PIAS2: variants seen among roughly 807,000 people sequenced by gnomAD.
PIAS2 encodes the protein protein inhibitor of activated STAT 2.
PIAS2 carries 19 observed loss-of-function variants against 69.7 expected under a neutral mutation model. That is an observed-to-expected ratio of 0.27 (90% CI 0.19 to 0.40). The LOEUF (loss-of-function observed/expected upper bound fraction) is 0.40. PIAS2 is among the 10% of genes least tolerant of loss of function. PIAS2 has a pLI of 1.00. For missense variants in PIAS2, 624 were observed against 757.0 expected (o/e 0.82, Z 2.06); for synonymous variants, 261 against 263.2 (o/e 0.99, Z 0.08).
At chr18:46,837,457 T>G (rs1361293282) in intron 8 of PIAS2, among the ~76,000 whole-genome samples, 1 of 152,178 alleles carries the variant, frequency 6.6e-6, no homozygotes, top group African/African-American at 2.4e-5. Flanking sequence ...TAATCTTTTG[T>G]TATCTATTTA....
At chr18:46,865,270 T>A (rs766809613) in intron 2 of PIAS2, among the ~76,000 whole-genome samples, 2 of 152,166 alleles carry the variant, frequency 1.3e-5, no homozygotes, top group African/African-American at 2.4e-5. Flanking sequence ...CCGGGCACAG[T>A]GGCTCACACG....
At chr18:46,822,512 T>A (rs928447382) in intron 11 of PIAS2, among the ~76,000 whole-genome samples, 10 of 152,128 alleles carry the variant, frequency 6.6e-5, no homozygotes, top group Admixed American at 2.0e-4. Context: ...CCAGTGCTAC[T>A]CGAAGACCTA....
At position 46,816,083 on chromosome 18, in the gene PIAS2, C is replaced by T. The variant is rs915380310; in HGVS notation, c.1649-734G>A. The T allele has an allele frequency of 4.1e-6, 4 of 984,682 alleles. No homozygotes were observed. In the African/African-American group the frequency reaches 7.0e-5, roughly 17 times the overall value. The allele number at this position is 984,682 out of a possible 1,614,324, so 61.0% of individuals were successfully genotyped here. A position where few individuals can be genotyped will look rare whatever the true frequency, so the allele number is the denominator to read the frequency against. On this transcript the variant is annotated intron_variant, in intron 12 of 13. Coordinates refer to ENST00000585916, the MANE Select transcript of PIAS2 (RefSeq NM_004671.5). ...CTAGTAATAAACTTCAACATCAGTTCACCTAGACCTCCCTGTGTGACTAAA... is the reference window on the plus strand; with the variant it reads ...CTAGTAATAAACTTCAACATCAGTTTACCTAGACCTCCCTGTGTGACTAAA...
At chr18:46,822,259 A>C (rs2042257451) in intron 11 of PIAS2, among the ~76,000 whole-genome samples, 1 of 152,212 alleles carries the variant, frequency 6.6e-6, no homozygotes, top group African/African-American at 2.4e-5. Context: ...GAGTACATAC[A>C]TTGTTGAGTT....
At chr18:46,899,648 G>C (rs1189936171) in intron 1 of PIAS2, among the ~76,000 whole-genome samples, 1 of 152,106 alleles carries the variant, frequency 6.6e-6, no homozygotes, top group Non-Finnish European at 1.5e-5. Context: ...TTTAATTTTA[G>C]TAAAGATGAG....
chr18:46,815,189 C>G (rs1197543924), intron 13 of PIAS2, 123 bp downstream of exon 13: 5 of 749,228 alleles, frequency 6.7e-6, no homozygotes, highest in Non-Finnish European at 9.1e-6. Context: ...ACAGTACTTC[C>G]TTTCCATCAA....
At chr18:46,828,261 C>A in intron 10 of PIAS2, 131 bp from the exon 11 acceptor site, 1 of 712,228 alleles carries the variant, frequency 1.4e-6, no homozygotes, top group Non-Finnish European at 2.1e-6. Context: ...ATACTCCAAC[C>A]CATGGACAAA....
At chr18:46,835,754 G>A (rs2044336945) in intron 9 of PIAS2, among the ~76,000 whole-genome samples, 1 of 152,106 alleles carries the variant, frequency 6.6e-6, no homozygotes, top group Non-Finnish European at 1.5e-5. Flanking sequence ...GGATGGTACT[G>A]CTAATTTTAT....
rs1180231439 is a variant in PIAS2, at chr18:46,815,294, T to C, written c.1686+18A>G. ...AACAATCAAATACAAATTAGTTGCT[T>C]AAATTCAGGATACATACCTGGGGAT... On this transcript the variant is annotated intron_variant, in intron 13 of 13. Coordinates refer to ENST00000585916, the MANE Select transcript of PIAS2 (RefSeq NM_004671.5). 3 of 1,606,212 alleles carry C rather than the reference T, an allele frequency of 1.9e-6. No homozygotes were observed. Among genetic ancestry groups the C allele is most frequent in the African/African-American group, 1.3e-5 (1 of 74,788 alleles).
intron 6 of PIAS2, among the ~76,000 whole-genome samples, chr18:46,845,631 T>TA (rs772476218): frequency 0.013 from 1,837 of 145,334 alleles, 17 homozygotes; most frequent in Non-Finnish European, 0.018. Context: ...ACATAAATGT[T>TA]AAAAAAAAAA....
intron 11 of PIAS2, chr18:46,827,115 T>C (rs1250813557): frequency 6.6e-6 from 1 of 152,182 alleles, no homozygotes; most frequent in Non-Finnish European, 1.5e-5. Context: ...CATTTTATGC[T>C]ATGTAAATTA....
In PIAS2 at chr18:46,850,829, ATG is replaced by A. The variant is rs1240308738; in HGVS notation, c.727-3990_727-3989del. Among the ~76,000 whole-genome samples, 4 of 152,198 alleles carry A rather than the reference ATG, an allele frequency of 2.6e-5. No homozygotes were observed. The East Asian group carries it at 5.8e-4, about 22-fold the overall frequency. On this transcript the variant is annotated intron_variant, in intron 5 of 13. Transcript: ENST00000585916. ...TACCCTTTTGATTGTATTAGCCGAA[ATG>A]TTTCCATAAAGAGCTTGACCACATC...
intron 2 of PIAS2, among the ~76,000 whole-genome samples, chr18:46,883,530 T>A (rs1034970993): frequency 6.6e-6 from 1 of 151,620 alleles, no homozygotes; most frequent in Non-Finnish European, 1.5e-5. Context: ...TAGAGAGACC[T>A]CCTCTCCACA....
Position 46,890,828 on chromosome 18 carries a change from C to T in PIAS2, c.251G>A (p.Ser84Asn), listed in dbSNP as rs749076244. 6.2e-7 allele frequency: 1 copy of T among 1,614,202 alleles called. No individual in the cohort carries two copies. Among genetic ancestry groups the T allele is most frequent in the Non-Finnish European group, 8.5e-7 (1 of 1,180,036 alleles). The change falls in exon 2 of 14, where the codon AGT becomes AAT. Residue 84 changes from serine (S) to asparagine (N), a missense_variant. Ser to Asn is a conservative substitution (Grantham distance 46, BLOSUM62 1). Around this residue, in one of 3 missense-constraint regions of PIAS2, gnomAD observed 339 missense variants for 408.8 expected, o/e 0.83. Coordinates refer to ENST00000585916, the MANE Select transcript of PIAS2 (RefSeq NM_004671.5). ...TACAGGTGATGAGCCACCATCCAAA[C>T]TGAAAACCGATGATTTGATTGTGGA... ...DLSTIKSSVF[S>N]LDGGSSPVEP...
chr18:46,821,103 A>G, intron 11 of PIAS2, 31 bp from the exon 12 acceptor site: 3 of 1,611,044 alleles, frequency 1.9e-6, no homozygotes, highest in Non-Finnish European at 2.5e-6. Flanking sequence ...AATTACAAAC[A>G]ATCTGGCTGT....
chr18:46,861,083 C>G (rs899155827), intron 3 of PIAS2, among the ~76,000 whole-genome samples: 4 of 152,086 alleles, frequency 2.6e-5, no homozygotes. Context: ...AGTTCAAGAC[C>G]AGCCTGACCA....
chr18:46,860,066 G>A (rs1180976849), intron 3 of PIAS2, among the ~76,000 whole-genome samples: 2 of 152,210 alleles, frequency 1.3e-5, no homozygotes, highest in African/African-American at 4.8e-5. Flanking sequence ...ATGTATTCAA[G>A]CGTCTAGTCT....
At position 46,806,353 on chromosome 18, in the gene PIAS2, C is replaced by CTTTTTTTTTTTTTTTTTTTTTTT. The variant is rs869187746; in HGVS notation, c.*6057_*6079dup. On this transcript the variant is annotated 3_prime_UTR_variant, in exon 14 of 14. Coordinates refer to ENST00000585916, the MANE Select transcript of PIAS2 (RefSeq NM_004671.5). ...AAAATTCTTTGCACAATGCCTGTTA[C>CTTTTTTTTTTTTTTTTTTTTTTT]TTTTTTTTTTTTTTTTTTTTTTTTT... 1.2e-4 allele frequency: 7 copies of CTTTTTTTTTTTTTTTTTTTTTTT among 60,176 alleles called. 3 individuals carry two copies. Among genetic ancestry groups the CTTTTTTTTTTTTTTTTTTTTTTT allele is most frequent in the African/African-American group, 1.1e-4 (2 of 18,454 alleles). The allele number at this position is 60,176 out of a possible 1,614,324, so 3.7% of individuals were successfully genotyped here. A position where few individuals can be genotyped will look rare whatever the true frequency, so the allele number is the denominator to read the frequency against.
Position 46,804,780 on chromosome 18 carries a change from C to T in PIAS2, c.*7653G>A, listed in dbSNP as rs532869192. ...CACCTCTGTTGACGCTATTGGAGCA[C>T]AACTTTGGTGGGGGCAGGATCCTGC... On this transcript the variant is annotated 3_prime_UTR_variant, in exon 14 of 14. Transcript: ENST00000585916. 1.3e-5 allele frequency: 2 copies of T among 152,334 alleles called. No homozygotes were observed. Among genetic ancestry groups the T allele is most frequent in the East Asian group, 3.9e-4 (2 of 5,184 alleles). The allele number at this position is 152,334 out of a possible 1,614,324, so 9.4% of individuals were successfully genotyped here. A position where few individuals can be genotyped will look rare whatever the true frequency, so the allele number is the denominator to read the frequency against.
Sources: gnomAD v4.1 joint callset for allele counts (sites outside exome capture counted in the v4.1 genomes callset) on GRCh38, gnomAD v4.1.1 for gene constraint, gnomAD v4.1.1 regional missense constraint, MANE v1.5 for transcripts, NCBI Gene and HGNC (gene_info 2026-07-23, HGNC 2026-07-21) for gene names.